The following POU6F2 variants were observed in gnomAD, a reference collection of about 807,000 sequenced individuals.
POU6F2 encodes the protein POU class 6 homeobox 2, also known as POU domain, class 6, transcription factor 2.
In POU6F2, 31 loss-of-function variants were observed where a neutral mutation model predicts 71.3. The ratio of observed to expected loss-of-function variants is 0.43; its 90% CI spans 0.33 to 0.59. The LOEUF (loss-of-function observed/expected upper bound fraction) is 0.59, where lower values mean the gene tolerates loss of function less well. Ranked by LOEUF, POU6F2 falls within the 20% of genes least tolerant of loss-of-function variation. POU6F2 has a pLI of 0.04. For synonymous variants in POU6F2, 347 were observed against 355.7 expected, an observed-to-expected ratio of 0.98 and a Z score of 0.27; for missense variants, 783 against 856.8, an observed-to-expected ratio of 0.91 and a Z score of 1.07.
chr7:39,017,841 T>TGTGTGA (rs1409308092), intron 1 of POU6F2, among the ~76,000 whole-genome samples: 1 of 151,534 alleles, frequency 6.6e-6, no homozygotes. Context: ...TGTGTGTGTG[T>TGTGTGA]GATTTGAGTG....
At chr7:39,350,442 A>T (rs1398820431) in intron 5 of POU6F2, among the ~76,000 whole-genome samples, 1 of 152,160 alleles carries the variant, frequency 6.6e-6, no homozygotes, top group Non-Finnish European at 1.5e-5. Flanking sequence ...ATTAGATAAA[A>T]TATAAATAAT....
At chr7:39,003,507 G>A (rs925952201) in intron 1 of POU6F2, among the ~76,000 whole-genome samples, 3 of 150,998 alleles carry the variant, frequency 2.0e-5, no homozygotes, top group African/African-American at 7.3e-5. Context: ...TTGGGACGCT[G>A]AGGCAGGCGA....
chr7:39,156,663 C>G (rs1792876077), intron 2 of POU6F2, among the ~76,000 whole-genome samples: 2 of 152,122 alleles, frequency 1.3e-5, no homozygotes, highest in African/African-American at 4.8e-5. Context: ...ATCTTCTAGA[C>G]AGTCATTCAT....
At chr7:38,998,816 A>AT (rs757703122) in intron 1 of POU6F2, among the ~76,000 whole-genome samples, 10,829 of 116,476 alleles carry the variant, frequency 0.093, 750 homozygotes, top group African/African-American at 0.18. Context: ...CACCCGGCTA[A>AT]TTTTTTTTTT....
At chr7:39,417,856 C>T (rs1787715810) in intron 6 of POU6F2, among the ~76,000 whole-genome samples, 1 of 152,182 alleles carries the variant, frequency 6.6e-6, no homozygotes, top group African/African-American at 2.4e-5. Flanking sequence ...TTTAATCTTC[C>T]TCAGCTAAAG....
intron 2 of POU6F2, among the ~76,000 whole-genome samples, chr7:39,190,330 A>G (rs750895119): frequency 2.3e-4 from 34 of 149,774 alleles, no homozygotes; most frequent in Non-Finnish European, 4.0e-4. Flanking sequence ...ATTTGTGTAC[A>G]ATGCAGCTTG....
intron 4 of POU6F2, among the ~76,000 whole-genome samples, chr7:39,271,752 G>A (rs1175797658): frequency 1.3e-5 from 2 of 152,052 alleles, no homozygotes; most frequent in Non-Finnish European, 2.9e-5. Flanking sequence ...CTGCCAGGAG[G>A]GATAATTTGC....
chr7:39,313,897 A>T (rs1785212667), intron 4 of POU6F2, among the ~76,000 whole-genome samples: 1 of 152,170 alleles, frequency 6.6e-6, no homozygotes, highest in Non-Finnish European at 1.5e-5. Flanking sequence ...TTCCCTGCCA[A>T]TGGAGATTGT....
chr7:39,040,704 A>G lies in POU6F2; in HGVS notation c.106-45156A>G, dbSNP rs1378283774. ...TATAGTAATCATTTATTATTTTTCA[A>G]TGATAAAATATGTAAATCATAATTT... On this transcript the variant is annotated intron_variant, in intron 1 of 9. Transcript: ENST00000518318. Among the ~76,000 whole-genome samples the G allele has an allele frequency of 3.3e-5, 5 of 152,012 alleles. No homozygotes were observed. In the South Asian group the frequency reaches 1.0e-3, roughly 32 times the overall value.
intron 1 of POU6F2, among the ~76,000 whole-genome samples, chr7:39,015,567 T>TTATAGATATATCTATGTTTTA (rs1324309671): frequency 1.6e-5 from 1 of 63,854 alleles, no homozygotes; most frequent in East Asian, 3.3e-4. Flanking sequence ...TAGATCTACA[T>TTATAGATATATCTATGTTTTA]TATAGATATA....
At chr7:39,327,619 T>C (rs1246455776) in intron 4 of POU6F2, among the ~76,000 whole-genome samples, 1 of 152,028 alleles carries the variant, frequency 6.6e-6, no homozygotes, top group African/African-American at 2.4e-5. Context: ...AATTTTATTA[T>C]GTTTATTTTA....
chr7:39,106,847 T>C (rs957887897), intron 2 of POU6F2, among the ~76,000 whole-genome samples: 1 of 152,120 alleles, frequency 6.6e-6, no homozygotes, highest in Non-Finnish European at 1.5e-5. Context: ...CAAATCTGAT[T>C]TTTATCAGTA....
At chr7:39,258,100 C>T (rs73380932) in intron 4 of POU6F2, among the ~76,000 whole-genome samples, 6,740 of 152,224 alleles carry the variant, frequency 0.044, 379 homozygotes, top group African/African-American at 0.13. Context: ...AGATTAAATA[C>T]ATCACAAATT....
intron 6 of POU6F2, among the ~76,000 whole-genome samples, chr7:39,417,263 G>C (rs1787701386): frequency 6.6e-6 from 1 of 151,954 alleles, no homozygotes; most frequent in Non-Finnish European, 1.5e-5. Context: ...CTTTCTTATT[G>C]GTCTGTGAGC....
In POU6F2 at chr7:39,433,039, C is replaced by T. The variant is rs1295477061; in HGVS notation, c.1114-38C>T. The T allele has an allele frequency of 1.9e-6, 3 of 1,607,628 alleles. No homozygotes were observed. The South Asian group carries it at 3.3e-5, about 18-fold the overall frequency. On this transcript the variant is annotated intron_variant, in intron 6 of 9. Transcript: ENST00000518318. ...TCTTCAGTTGCATGCACAGACCCTT[C>T]ACCGAGCCAGCTCCTCACCTTTGGC...
chr7:39,125,757 T>G (rs574625957), intron 2 of POU6F2, among the ~76,000 whole-genome samples: 2 of 152,260 alleles, frequency 1.3e-5, no homozygotes, highest in East Asian at 3.9e-4. Flanking sequence ...AAAAAAATAT[T>G]GATTTCTAGA....
intron 1 of POU6F2, among the ~76,000 whole-genome samples, chr7:39,015,543 A>AT: frequency 1.5e-5 from 1 of 67,150 alleles, no homozygotes; most frequent in Non-Finnish European, 3.0e-5. Flanking sequence ...ATATAGATAT[A>AT]TCTATGTTTT....
At chr7:39,170,653 AT>A (rs1793199759) in intron 2 of POU6F2, among the ~76,000 whole-genome samples, 1 of 152,172 alleles carries the variant, frequency 6.6e-6, no homozygotes, top group African/African-American at 2.4e-5. Context: ...TGGAACAAAA[AT>A]CAGAATTAAT....
intron 1 of POU6F2, among the ~76,000 whole-genome samples, chr7:39,033,741 G>C (rs936652429): frequency 6.6e-6 from 1 of 152,156 alleles, no homozygotes; most frequent in Non-Finnish European, 1.5e-5. Context: ...CCACAGCCTA[G>C]TGTCTCATCG....
Sources: gnomAD v4.1 joint callset for allele counts (sites outside exome capture counted in the v4.1 genomes callset) on GRCh38, gnomAD v4.1.1 for gene constraint, MANE v1.5 for transcripts, NCBI Gene and HGNC (gene_info 2026-07-23, HGNC 2026-07-21) for gene names.